The following UGP2 variants were observed in gnomAD, a reference collection of about 807,000 sequenced individuals.
UGP2 encodes UTP--glucose-1-phosphate uridylyltransferase.
In UGP2, 40 loss-of-function variants were observed where a neutral mutation model predicts 49.0. The ratio of observed to expected loss-of-function variants is 0.82; its 90% CI spans 0.63 to 1.06. The LOEUF (loss-of-function observed/expected upper bound fraction) is 1.06, where lower values mean the gene tolerates loss of function less well. UGP2 is among the 50% of genes least tolerant of loss of function. The probability of loss-of-function intolerance (pLI) is 0.00; values close to 1 mark genes in which losing one functional copy is unlikely to be tolerated. For missense variants in UGP2, 460 were observed against 603.5 expected (o/e 0.76, Z 2.49); for synonymous variants, 225 against 213.0 (o/e 1.06, Z -0.49).
At chr2:63,859,654 T>G (rs770361602) in intron 3 of UGP2, among the ~76,000 whole-genome samples, 16 of 152,176 alleles carry the variant, frequency 1.1e-4, no homozygotes, top group Non-Finnish European at 2.1e-4. Context: ...CTGATAGTAA[T>G]ACAGAATTGA....
At chr2:63,862,115 G>A (rs1255214560) in intron 3 of UGP2, among the ~76,000 whole-genome samples, 1 of 151,986 alleles carries the variant, frequency 6.6e-6, no homozygotes, top group Non-Finnish European at 1.5e-5. Context: ...TTTGCTTTGA[G>A]CATGTGAAGA....
At chr2:63,853,519 C>G (rs1669175788) in intron 1 of UGP2, among the ~76,000 whole-genome samples, 1 of 152,000 alleles carries the variant, frequency 6.6e-6, no homozygotes, top group South Asian at 2.1e-4. Context: ...TGTGGGTTTT[C>G]CAGGAAGGTT....
chr2:63,882,659 A>G lies in UGP2; in HGVS notation c.441+8A>G. ...ACTGTTCAGCAAATTGAAGTGAGTAACATTTAGCCTTTCTCATGAGATACT... is the reference window on the plus strand; with the variant it reads ...ACTGTTCAGCAAATTGAAGTGAGTAGCATTTAGCCTTTCTCATGAGATACT... On this transcript the variant is annotated splice_region_variant and intron_variant, in intron 4 of 9. Transcript: ENST00000337130. The G allele has an allele frequency of 6.6e-7, 1 of 1,525,960 alleles. No individual in the cohort carries two copies. Among genetic ancestry groups the G allele is most frequent in the Non-Finnish European group, 8.9e-7 (1 of 1,127,386 alleles). The allele number at this position is 1,525,960 out of a possible 1,614,324, so 94.5% of individuals were successfully genotyped here. A position where few individuals can be genotyped will look rare whatever the true frequency, so the allele number is the denominator to read the frequency against.
chr2:63,891,296 A>AAAAT lies in UGP2; in HGVS notation c.*71_*74dup. ...ACAATGAAATGTTCTCTAGGATTCT[A>AAAAT]AAATAGGCAGGTACTTTACTATGTT... On this transcript the variant is annotated 3_prime_UTR_variant, in exon 10 of 10. Transcript: ENST00000337130. 1 of 1,350,326 alleles carries AAAAT rather than the reference A, an allele frequency of 7.4e-7. No homozygotes were observed. Among genetic ancestry groups the AAAAT allele is most frequent in the Non-Finnish European group, 1.0e-6 (1 of 954,296 alleles). 83.6% of individuals were successfully genotyped at this position (1,350,326 alleles called of 1,614,324 possible).
intron 2 of UGP2, chr2:63,856,914 T>C (rs1205470826): frequency 2.3e-6 from 1 of 427,932 alleles, no homozygotes; most frequent in East Asian, 7.1e-5. Flanking sequence ...TTTCAATTTA[T>C]ACTTAATGTT....
At position 63,890,158 on chromosome 2, in the gene UGP2, G is replaced by T; in HGVS notation, c.1392G>T (p.Val464=). Residue 464 remains valine, a synonymous_variant, in exon 9 of 10, where the codon GTG becomes GTT. Transcript: ENST00000337130. The part of the protein sequence containing the change: ...ELDHLTVSGD[V]TFGKNVSLKG... ...ATCACCTCACAGTTTCAGGAGATGTGACATTTGGAAAAAATGTTTCATTAA... is the reference window on the plus strand; with the variant it reads ...ATCACCTCACAGTTTCAGGAGATGTTACATTTGGAAAAAATGTTTCATTAA... 1 of 1,609,866 alleles carries T rather than the reference G, an allele frequency of 6.2e-7. No homozygotes were observed. Among genetic ancestry groups the T allele is most frequent in the South Asian group, 1.1e-5 (1 of 90,446 alleles).
chr2:63,863,709 G>A (rs1010149756), intron 3 of UGP2, among the ~76,000 whole-genome samples: 4 of 152,150 alleles, frequency 2.6e-5, no homozygotes, highest in Admixed American at 6.5e-5. Flanking sequence ...ATTTGTTACT[G>A]TATCTCATTT....
chr2:63,885,458 A>G (rs1040389865), intron 5 of UGP2, 131 bp from the exon 6 acceptor site: 23 of 742,062 alleles, frequency 3.1e-5, no homozygotes, highest in Non-Finnish European at 4.1e-5. Flanking sequence ...GGATTCACCT[A>G]TAATTAAATT....
intron 1 of UGP2, among the ~76,000 whole-genome samples, chr2:63,845,906 A>G (rs1288276438): frequency 6.6e-6 from 1 of 152,186 alleles, no homozygotes; most frequent in African/African-American, 2.4e-5. Flanking sequence ...GAAATGTTCA[A>G]TTAATAAAAA....
chr2:63,862,166 C>T (rs928089157), intron 3 of UGP2, among the ~76,000 whole-genome samples: 6 of 151,848 alleles, frequency 4.0e-5, no homozygotes, highest in Non-Finnish European at 1.5e-5. Context: ...CCATTAGAGA[C>T]TTGTTTTGTG....
chr2:63,875,507 C>G (rs1670850772), intron 3 of UGP2, among the ~76,000 whole-genome samples: 1 of 152,178 alleles, frequency 6.6e-6, no homozygotes, highest in African/African-American at 2.4e-5. Context: ...TGTGAACAAA[C>G]TTGGCAAGGT....
In UGP2 at chr2:63,857,962, A is replaced by G. The variant is rs187195893; in HGVS notation, c.255+26A>G. The stretch of plus-strand genomic sequence containing the variant: ...GTAAGTTTTAGATAAAATGTAGGAA[A>G]ATGTAGGGTAATCTTGGGCACTGGT... On this transcript the variant is annotated intron_variant, in intron 3 of 9. Coordinates refer to ENST00000337130, the MANE Select transcript of UGP2 (RefSeq NM_006759.4). The G allele has an allele frequency of 3.1e-6, 5 of 1,606,578 alleles. No individual in the cohort carries two copies. In the Admixed American group the frequency reaches 6.7e-5, roughly 22 times the overall value.
chr2:63,856,495 G>A lies in UGP2; in HGVS notation c.147+62G>A. 2.0e-6 allele frequency: 3 copies of A among 1,515,946 alleles called. No homozygotes were observed. In the South Asian group the frequency reaches 3.8e-5, roughly 19 times the overall value. 93.9% of individuals were successfully genotyped at this position (1,515,946 alleles called of 1,614,324 possible). A position where few individuals can be genotyped will look rare whatever the true frequency, so the allele number is the denominator to read the frequency against. ...CTCCCTTCATCTGTCTTCATGCTGA[G>A]TTGCTGCCGGTGATGATGATAATCA... On this transcript the variant is annotated intron_variant, in intron 2 of 9. Coordinates refer to ENST00000337130, the MANE Select transcript of UGP2 (RefSeq NM_006759.4).
At chr2:63,858,007 G>T (rs1005925082) in intron 3 of UGP2, 71 bp downstream of exon 3, 25 of 1,372,050 alleles carry the variant, frequency 1.8e-5, no homozygotes, top group Admixed American at 8.9e-5. Context: ...GGACGGTTGG[G>T]TAGTGTAGGG....
chr2:63,843,278 C>CTTGT (rs937175624), intron 1 of UGP2, among the ~76,000 whole-genome samples: 1 of 152,232 alleles, frequency 6.6e-6, no homozygotes, highest in Non-Finnish European at 1.5e-5. Context: ...GAACGCTATG[C>CTTGT]TTGCCTTTAG....
At chr2:63,841,383 T>C (rs1288298322), upstream of UGP2, among the ~76,000 whole-genome samples, 3 of 151,708 alleles carry the variant, frequency 2.0e-5, no homozygotes, top group Non-Finnish European at 2.9e-5. Context: ...GGCGAGAATA[T>C]GTACGGGAAG....
At chr2:63,886,249 TA>T in intron 6 of UGP2, 91 bp from the exon 7 acceptor site, 1 of 1,216,694 alleles carries the variant, frequency 8.2e-7, no homozygotes, top group East Asian at 2.3e-5. Context: ...ATAATGTATT[TA>T]TATATTTTTT....
chr2:63,842,663 A>C, intron 1 of UGP2: 1 of 1,377,208 alleles, frequency 7.3e-7, no homozygotes, highest in Non-Finnish European at 9.4e-7. Flanking sequence ...GTTTGTGTGT[A>C]CGTGGTTTGC....
At chr2:63,880,502 A>G (rs1212473472) in intron 3 of UGP2, among the ~76,000 whole-genome samples, 1 of 152,078 alleles carries the variant, frequency 6.6e-6, no homozygotes, top group Non-Finnish European at 1.5e-5. Flanking sequence ...CTGGGCTAGA[A>G]AAGATTATAA....
Sources: allele counts gnomAD v4.1 joint callset (sites outside exome capture counted in the v4.1 genomes callset), GRCh38; gene constraint gnomAD v4.1.1; transcripts MANE v1.5; gene names NCBI Gene and HGNC (gene_info 2026-07-23, HGNC 2026-07-21).